The following KMT2C variants were observed in gnomAD, a reference collection of about 807,000 sequenced individuals.
The protein encoded by KMT2C is lysine methyltransferase 2C.
KMT2C carries 88 observed loss-of-function variants against 507.9 expected under a neutral mutation model. The ratio of observed to expected loss-of-function variants is 0.17; its 90% confidence interval spans 0.15 to 0.21. The LOEUF (loss-of-function observed/expected upper bound fraction) is 0.21. Among genes scored for constraint, KMT2C ranks in the 10% least tolerant of loss-of-function variants. The probability of loss-of-function intolerance (pLI) is 1.00; values close to 1 mark genes in which losing one functional copy is unlikely to be tolerated. For missense variants in KMT2C, 4,954 were observed against 5,957.8 expected, an observed-to-expected ratio of 0.83 and a Z score of 5.55; for synonymous variants, 2,049 against 2,080.8, an observed-to-expected ratio of 0.98 and a Z score of 0.42.
At chr7:152,420,132 C>G (rs1226394104) in intron 1 of KMT2C, among the ~76,000 whole-genome samples, 1 of 152,202 alleles carries the variant, frequency 6.6e-6, no homozygotes, top group Non-Finnish European at 1.5e-5. Flanking sequence ...ACAGCAGATT[C>G]TCAGTATTTG....
intron 1 of KMT2C, among the ~76,000 whole-genome samples, chr7:152,373,368 G>T (rs893887021): frequency 1.3e-5 from 2 of 152,126 alleles, no homozygotes; most frequent in African/African-American, 4.8e-5. Flanking sequence ...ATGTTTTGTT[G>T]AAAGAGTAGA....
intron 40 of KMT2C, 36 bp downstream of exon 40, chr7:152,171,228 G>A (rs199861661): frequency 5.4e-5 from 75 of 1,393,958 alleles, no homozygotes; most frequent in Admixed American, 3.4e-4. Flanking sequence ...ACAGAAAAGC[G>A]TGCATTCTAG....
intron 14 of KMT2C, among the ~76,000 whole-genome samples, chr7:152,240,744 AT>A (rs2095367533): frequency 6.6e-6 from 1 of 152,152 alleles, no homozygotes; most frequent in African/African-American, 2.4e-5. Context: ...ATCAATGCAA[AT>A]CATCAGCAAA....
At chr7:152,418,958 C>T (rs1233130051) in intron 1 of KMT2C, among the ~76,000 whole-genome samples, 1 of 151,828 alleles carries the variant, frequency 6.6e-6, no homozygotes, top group Non-Finnish European at 1.5e-5. Context: ...CTTTGAAAGG[C>T]CAAGGTGGGA....
Position 152,136,803 on chromosome 7 carries a change from C to T in KMT2C, c.*29G>A, listed in dbSNP as rs372314924. ...TGAATCGCCTCTTCCTAGGGACAAG[C>T]CGCCCGCTGAGCTAGCAAGGAATGC... On this transcript the variant is annotated 3_prime_UTR_variant, in exon 59 of 59. Coordinates refer to ENST00000262189, the MANE Select transcript of KMT2C (RefSeq NM_170606.3). 1.2e-5 allele frequency: 19 copies of T among 1,534,960 alleles called. No individual in the cohort carries two copies. Among genetic ancestry groups the T allele is most frequent in the Non-Finnish European group, 1.6e-5 (18 of 1,108,886 alleles).
intron 36 of KMT2C, 44 bp from the exon 37 acceptor site, chr7:152,180,170 ATGGCTTTTTAAAGGTTAC>A: frequency 1.2e-6 from 2 of 1,601,256 alleles, no homozygotes; most frequent in Non-Finnish European, 1.7e-6. Context: ...GTGGTAATTA[ATGGCTTTTTAAAGGTTAC>A]TGGCTTTTTA....
chr7:152,310,446 T>C (rs2096660929), intron 5 of KMT2C, among the ~76,000 whole-genome samples: 1 of 152,146 alleles, frequency 6.6e-6, no homozygotes, highest in Non-Finnish European at 1.5e-5. Context: ...ACGCCTGTAA[T>C]TCCAGCTACT....
chr7:152,413,588 A>G (rs2097703137), intron 1 of KMT2C, among the ~76,000 whole-genome samples: 1 of 152,150 alleles, frequency 6.6e-6, no homozygotes, highest in Non-Finnish European at 1.5e-5. Flanking sequence ...TGTTCTCTTT[A>G]AAATTACAAA....
intron 1 of KMT2C, among the ~76,000 whole-genome samples, chr7:152,393,898 CAAAAAA>C (rs745616896): frequency 7.7e-5 from 5 of 65,304 alleles, no homozygotes; most frequent in East Asian, 4.1e-4. Context: ...AACTCCATCT[CAAAAAA>C]AAAAAAAAAA....
rs371564850 is a variant in KMT2C, at chr7:152,179,812, G to A, written c.7442+22C>T. 6.4e-5 allele frequency: 103 copies of A among 1,603,568 alleles called. No homozygotes were observed. In the African/African-American group the frequency reaches 1.1e-3, roughly 17 times the overall value. On this transcript the variant is annotated intron_variant, in intron 37 of 58. Transcript: ENST00000262189. ...CCTCTTCTAATAGCAATTTAAATTC[G>A]GCAGGAAATTAAAAGCATTACCTAA...
intron 1 of KMT2C, among the ~76,000 whole-genome samples, chr7:152,390,626 C>T (rs889481891): frequency 1.7e-4 from 26 of 151,988 alleles, no homozygotes; most frequent in Admixed American, 1.4e-3. Flanking sequence ...CCCTATTTTT[C>T]GGATAAGGAC....
rs550958781 is a variant in KMT2C at position 152,338,280 on chromosome 7, A to G, written c.251-7541T>C. Among the ~76,000 whole-genome samples the G allele has an allele frequency of 2.6e-5, 4 of 152,352 alleles. No homozygotes were observed. The South Asian group carries it at 8.3e-4, about 32-fold the overall frequency. On this transcript the variant is annotated intron_variant, in intron 2 of 58. Coordinates refer to ENST00000262189, the MANE Select transcript of KMT2C (RefSeq NM_170606.3). Reference sequence around the variant, plus strand: ...CTCCGATCTATGCTCCAGAGTTAATATATCATTAATTTAGAATGGTTATTT... The same window carrying G: ...CTCCGATCTATGCTCCAGAGTTAATGTATCATTAATTTAGAATGGTTATTT...
intron 24 of KMT2C, among the ~76,000 whole-genome samples, chr7:152,205,708 T>C (rs1486093020): frequency 1.3e-5 from 2 of 152,232 alleles, no homozygotes; most frequent in African/African-American, 4.8e-5. Context: ...TTTATTTTTT[T>C]AAATGAATTT....
At chr7:152,364,072 C>T (rs2097217524) in intron 1 of KMT2C, among the ~76,000 whole-genome samples, 1 of 152,152 alleles carries the variant, frequency 6.6e-6, no homozygotes, top group African/African-American at 2.4e-5. Flanking sequence ...TCTAGACCAT[C>T]CCTAAAAGAG....
chr7:152,151,885 G>A (rs765388305), intron 49 of KMT2C, among the ~76,000 whole-genome samples: 1 of 152,184 alleles, frequency 6.6e-6, no homozygotes, highest in Non-Finnish European at 1.5e-5. Context: ...GTAAGACAGA[G>A]AGGGAAACAG....
At chr7:152,182,691 G>A in intron 35 of KMT2C, 97 bp from the exon 36 acceptor site, 3 of 1,100,298 alleles carry the variant, frequency 2.7e-6, no homozygotes, top group South Asian at 1.6e-5. Context: ...TTTGTTTGAT[G>A]TCAGCGCTAC....
At chr7:152,394,723 A>G (rs2097526433) in intron 1 of KMT2C, among the ~76,000 whole-genome samples, 2 of 152,192 alleles carry the variant, frequency 1.3e-5, no homozygotes, top group African/African-American at 4.8e-5. Flanking sequence ...AAGGAAGGCA[A>G]TGAACTTTGT....
At chr7:152,152,031 G>A (rs1370395423) in intron 49 of KMT2C, among the ~76,000 whole-genome samples, 1 of 152,182 alleles carries the variant, frequency 6.6e-6, no homozygotes, top group Non-Finnish European at 1.5e-5. Context: ...AGGATAAGAA[G>A]GTAAATAAGG....
intron 1 of KMT2C, among the ~76,000 whole-genome samples, chr7:152,385,685 T>C (rs2097420056): frequency 1.4e-5 from 2 of 139,660 alleles, no homozygotes; most frequent in Admixed American, 7.3e-5. Flanking sequence ...AATATGATGA[T>C]ATTATGGATT....
Sources: gnomAD v4.1 joint callset for allele counts (sites outside exome capture counted in the v4.1 genomes callset) on GRCh38, gnomAD v4.1.1 for gene constraint, MANE v1.5 for transcripts, NCBI Gene and HGNC (gene_info 2026-07-23, HGNC 2026-07-21) for gene names.